The following SPTBN5 variants were observed in gnomAD, a reference collection of about 807,000 sequenced individuals.
The protein encoded by SPTBN5 is spectrin beta, non-erythrocytic 5.
SPTBN5 carries 513 observed loss-of-function variants against 477.6 expected under a neutral mutation model. The observed-to-expected ratio is 1.07, with a 90% CI of 1.00 to 1.16. The LOEUF (loss-of-function observed/expected upper bound fraction) is 1.16. Among genes scored for constraint, SPTBN5 ranks in the 50% most tolerant of loss-of-function variants. The probability of loss-of-function intolerance (pLI) is 0.00; values close to 1 mark genes in which losing one functional copy is unlikely to be tolerated. For synonymous variants in SPTBN5, 2,169 were observed against 2,011.7 expected (o/e 1.08, Z -2.09); for missense variants, 5,062 against 4,731.8 (o/e 1.07, Z -2.05).
In SPTBN5 at chr15:41,870,337, A is replaced by T; in HGVS notation, c.5579T>A (p.Leu1860His). 1.9e-6 allele frequency: 3 copies of T among 1,571,152 alleles called. No individual in the cohort carries two copies. Among genetic ancestry groups the T allele is most frequent in the Non-Finnish European group, 1.7e-6 (2 of 1,158,528 alleles). Residue 1860 changes from leucine (L) to histidine (H), a missense_variant, in exon 31 of 68, where the codon CTC becomes CAC. Leu to His is a moderately conservative substitution (Grantham distance 99). Coordinates refer to ENST00000320955, the MANE Select transcript of SPTBN5 (RefSeq NM_016642.4). Reference protein sequence around the residue: ...LTQVQEKATSLPNNVARDLCG... With the variant: ...LTQVQEKATSHPNNVARDLCG... ...CAGGTCCCGTGCCACATTGTTGGGG[A>T]GGCTCGTGGCTTTCTCCTGAGGAAG...
At position 41,851,996 on chromosome 15, in the gene SPTBN5, G is replaced by A. The variant is rs555567282; in HGVS notation, c.10585-146C>T. 1.7e-4 allele frequency: 153 copies of A among 911,660 alleles called. 1 individual carries two copies. The highest frequency in any genetic ancestry group is 2.9e-4 in the South Asian group (17 of 59,204). 56.5% of individuals were successfully genotyped at this position (911,660 alleles called of 1,614,324 possible). On this transcript the variant is annotated intron_variant, in intron 62 of 67. Coordinates refer to ENST00000320955, the MANE Select transcript of SPTBN5 (RefSeq NM_016642.4). ...CTGCTTAGCTTCTAAGATCAGATGAGATCGGGCATGTTCAGGGTGGTATGG... is the reference window on the plus strand; with the variant it reads ...CTGCTTAGCTTCTAAGATCAGATGAAATCGGGCATGTTCAGGGTGGTATGG...
At chr15:41,869,441 T>C (rs1197431948) in intron 32 of SPTBN5, among the ~76,000 whole-genome samples, 3 of 152,198 alleles carry the variant, frequency 2.0e-5, no homozygotes, top group East Asian at 3.8e-4. Context: ...CCACTTTCCA[T>C]AGCTTCTATA....
At position 41,851,381 on chromosome 15, in the gene SPTBN5, A is replaced by C. The variant is rs369238775; in HGVS notation, c.10657-12T>G. ...GAGCTCGAGCTAGGCTGTGGAGAGG[A>C]GGCGGGAAGGTCGCATGAGCCACAC... On this transcript the variant is annotated splice_polypyrimidine_tract_variant and intron_variant, in intron 63 of 67. Transcript: ENST00000320955. 4.1e-4 allele frequency: 636 copies of C among 1,548,912 alleles called. 5 individuals are homozygous for C. The South Asian group carries it at 5.9e-3, about 14-fold the overall frequency.
At position 41,879,456 on chromosome 15, in the gene SPTBN5, G is replaced by A. The variant is rs56379301; in HGVS notation, c.2986C>T (p.Leu996=). Residue 996 remains leucine, a synonymous_variant, in exon 16 of 68, where the codon CTG becomes TTG. Transcript: ENST00000320955. The part of the protein sequence containing the change: ...EALKREKAVQ[L]AHSVEVCSFL... ...CTGCACACTTCCACACTGTGTGCCA[G>A]CTGCACGGCCTTCTCCCTCTTCAGG... The A allele has an allele frequency of 0.04, 63,243 of 1,598,818 alleles. 1,512 individuals carry two copies. The highest frequency in any genetic ancestry group is 0.059 in the Admixed American group (3,437 of 58,174).
chr15:41,853,367 C>T lies in SPTBN5; in HGVS notation c.10061G>A (p.Gly3354Glu). 6.2e-7 allele frequency: 1 copy of T among 1,612,098 alleles called. No individual in the cohort carries two copies. Among genetic ancestry groups the T allele is most frequent in the Non-Finnish European group, 8.5e-7 (1 of 1,179,192 alleles). Residue 3354 changes from glycine to glutamate, a missense_variant, in exon 59 of 68, where the codon GGG becomes GAG. Transcript: ENST00000320955. ...TTCTTGCCCCAGCTCTTCATGCTGC[C>T]CAAGGAGCTGCTCAGCCCCCGCCAC... ...EDVAGAEQLL[G>E]QHEELGQEIR...
rs370153269 is a variant in SPTBN5, at chr15:41,852,769, T to TGG, written c.10348-36_10348-35dup. 11,070 of 1,259,070 alleles carry TGG rather than the reference T, an allele frequency of 8.8e-3. 58 individuals carry two copies. Among genetic ancestry groups the TGG allele is most frequent in the South Asian group, 0.02 (1,463 of 73,068 alleles). The allele number at this position is 1,259,070 out of a possible 1,614,324, so 78.0% of individuals were successfully genotyped here. A position where few individuals can be genotyped will look rare whatever the true frequency, so the allele number is the denominator to read the frequency against. ...AAGCATGTTCAGGTGACGCCCAGCT[T>TGG]GGGGGGGGGGGCCCAGAGCCTGGTA... On this transcript the variant is annotated intron_variant, in intron 60 of 67. Transcript: ENST00000320955.
chr15:41,856,292 G>T, intron 53 of SPTBN5, 94 bp downstream of exon 53: 1 of 1,185,192 alleles, frequency 8.4e-7, no homozygotes. Context: ...GGAGACGAAA[G>T]GTGCCCAGGC....
chr15:41,883,562 T>C, intron 7 of SPTBN5, 76 bp from the exon 8 acceptor site: 1 of 1,552,256 alleles, frequency 6.4e-7, no homozygotes, highest in Non-Finnish European at 8.7e-7. Flanking sequence ...TGGTCTGTGG[T>C]GGGGCTTGGC....
chr15:41,860,576 C>CCA lies in SPTBN5; in HGVS notation c.7988+8_7988+9dup. On this transcript the variant is annotated intron_variant, in intron 47 of 67. Transcript: ENST00000320955. ...GCCCACAGCACCCCTCACCCCAGAG[C>CCA]CACCACTACCTCAGAAGCATGGCCT... 7.1e-7 allele frequency: 1 copy of CCA among 1,411,226 alleles called. No individual in the cohort carries two copies. The highest frequency in any genetic ancestry group is 9.3e-7 in the Non-Finnish European group (1 of 1,076,614). The allele number at this position is 1,411,226 out of a possible 1,614,324, so 87.4% of individuals were successfully genotyped here.
intron 49 of SPTBN5, among the ~76,000 whole-genome samples, chr15:41,858,115 G>A (rs925765472): frequency 2.0e-5 from 3 of 152,148 alleles, no homozygotes; most frequent in Admixed American, 6.5e-5. Context: ...TGGACAACAT[G>A]GCAAAACCCC....
Position 41,858,645 on chromosome 15 carries a change from G to T in SPTBN5, c.8183C>A (p.Ala2728Glu), listed in dbSNP as rs776116445. 1.2e-6 allele frequency: 2 copies of T among 1,611,490 alleles called. No individual in the cohort carries two copies. Among genetic ancestry groups the T allele is most frequent in the East Asian group, 2.2e-5 (1 of 44,840 alleles). ...TTGGTGCATGCTCGCGTCCAGCTCCGCCTGGAAATTCTGCTGCTTCTGTAA... is the reference window on the plus strand; with the variant it reads ...TTGGTGCATGCTCGCGTCCAGCTCCTCCTGGAAATTCTGCTGCTTCTGTAA... ...AQLQKQQNFQ[A>E]ELDASMHQQQ... is the part of the protein sequence containing the mutation. The change falls in exon 49 of 68, where the codon GCG becomes GAG. Residue 2728 changes from alanine to glutamate, a missense_variant. Transcript: ENST00000320955.
rs766079625 is a variant in SPTBN5 at position 41,885,958 on chromosome 15, G to C, written c.1297C>G (p.His433Asp). 2 of 1,552,404 alleles carry C rather than the reference G, an allele frequency of 1.3e-6. No individual in the cohort carries two copies. The highest frequency in any genetic ancestry group is 4.7e-5 in the East Asian group (2 of 42,516). The part of the protein sequence containing the change: ...RLETLARRFQ[H>D]KAALRESFLK... ...AAACTCTCCCGGAGGGCTGCCTTGTGCTGGAAGCGCCGGGCCAGGGTTTCT... is the reference window on the plus strand; with the variant it reads ...AAACTCTCCCGGAGGGCTGCCTTGTCCTGGAAGCGCCGGGCCAGGGTTTCT... The change falls in exon 7 of 68, where the codon CAC (histidine) becomes GAC (aspartate). Residue 433 changes from histidine to aspartate, a missense_variant. His to Asp is a moderately conservative substitution (Grantham distance 81). Transcript: ENST00000320955.
rs1169659380 is a variant in SPTBN5, at chr15:41,852,748, A to G, written c.10348-13T>C. The G allele has an allele frequency of 6.3e-7, 1 of 1,590,248 alleles. No individual in the cohort carries two copies. Among genetic ancestry groups the G allele is most frequent in the Non-Finnish European group, 8.6e-7 (1 of 1,161,632 alleles). ...CTGACACTGAGTGCTGGGGAGAAGC[A>G]TGTTCAGGTGACGCCCAGCTTGGGG... On this transcript the variant is annotated splice_polypyrimidine_tract_variant and intron_variant, in intron 60 of 67. Transcript: ENST00000320955.
In SPTBN5 at chr15:41,883,145, T is replaced by C. The variant is rs1290333471; in HGVS notation, c.1743A>G (p.Gln581=). The C allele has an allele frequency of 6.2e-7, 1 of 1,612,818 alleles. No homozygotes were observed. The highest frequency in any genetic ancestry group is 8.5e-7 in the Non-Finnish European group (1 of 1,179,766). ...LLQRHDLLEA[Q]VSAHGAHVSH... ...TCACATGGGCTCCGTGGGCCGAGACTTGAGCCTCCAGCAGGTCATGCCTCT... is the reference window on the plus strand; with the variant it reads ...TCACATGGGCTCCGTGGGCCGAGACCTGAGCCTCCAGCAGGTCATGCCTCT... Residue 581 remains glutamine, a synonymous_variant, in exon 9 of 68, where the codon CAA becomes CAG. Transcript: ENST00000320955.
At chr15:41,859,033 G>A in intron 47 of SPTBN5, 53 bp from the exon 48 acceptor site, 2 of 1,408,586 alleles carry the variant, frequency 1.4e-6, no homozygotes, top group Non-Finnish European at 9.4e-7. Flanking sequence ...GCCAGGTGGG[G>A]TGCCCGTCCA....
chr15:41,866,820 T>C, intron 36 of SPTBN5, 139 bp downstream of exon 36: 1 of 1,173,364 alleles, frequency 8.5e-7, no homozygotes, highest in Non-Finnish European at 1.2e-6. Flanking sequence ...GATCCCATGT[T>C]CTGGGCTCCA....
intron 12 of SPTBN5, 61 bp from the exon 13 acceptor site, chr15:41,881,295 A>T: frequency 1.4e-6 from 2 of 1,421,246 alleles, no homozygotes; most frequent in Non-Finnish European, 9.6e-7. Flanking sequence ...GGCTTTGGCC[A>T]GGCCACCCCT....
chr15:41,891,434 T>TA (rs924606245), intron 3 of SPTBN5, among the ~76,000 whole-genome samples: 4 of 152,180 alleles, frequency 2.6e-5, no homozygotes, highest in African/African-American at 9.7e-5. Flanking sequence ...CACCTTGGCT[T>TA]AGAGTTGGAG....
chr15:41,861,296 G>GTGGGGAGAT, intron 46 of SPTBN5, 123 bp downstream of exon 46: 1 of 813,294 alleles, frequency 1.2e-6, no homozygotes, highest in African/African-American at 1.7e-5. Context: ...GTGGCCCAGG[G>GTGGGGAGAT]TGGGGAGATG....
Sources: gnomAD v4.1 joint callset for allele counts (sites outside exome capture counted in the v4.1 genomes callset) on GRCh38, gnomAD v4.1.1 for gene constraint, MANE v1.5 for transcripts, NCBI Gene and HGNC (gene_info 2026-07-23, HGNC 2026-07-21) for gene names.